The following SCN9A variants were observed in gnomAD, a reference collection of about 807,000 sequenced individuals.
The protein encoded by SCN9A is sodium channel protein type 9 subunit alpha.
SCN9A carries 131 observed loss-of-function variants against 187.0 expected under a neutral mutation model. That is an observed-to-expected ratio of 0.70 (90% confidence interval 0.61 to 0.81). The LOEUF (loss-of-function observed/expected upper bound fraction) is 0.81. SCN9A is among the 30% of genes least tolerant of loss of function. The pLI is 0.00. For synonymous variants in SCN9A, 809 were observed against 808.6 expected, an observed-to-expected ratio of 1.00 and a Z score of -0.01; for missense variants, 2,252 against 2,396.6, an observed-to-expected ratio of 0.94 and a Z score of 1.26.
chr2:166,265,941 C>T (rs1451905613), intron 17 of SCN9A, among the ~76,000 whole-genome samples: 1 of 151,554 alleles, frequency 6.6e-6, no homozygotes, highest in Non-Finnish European at 1.5e-5. Flanking sequence ...TGTTTGAGTT[C>T]CTTGTATGTT....
chr2:166,203,007 CTT>C (rs146326064), intron 26 of SCN9A, among the ~76,000 whole-genome samples: 5 of 148,282 alleles, frequency 3.4e-5, no homozygotes, highest in African/African-American at 1.2e-4. Context: ...CAGGCACACT[CTT>C]TTTTTTTTCC....
chr2:166,356,718 C>G (rs1700158769), intron 1 of SCN9A, among the ~76,000 whole-genome samples: 1 of 152,136 alleles, frequency 6.6e-6, no homozygotes, highest in South Asian at 2.1e-4. Flanking sequence ...AAATAATACC[C>G]TATATAAACA....
chr2:166,251,766 A>G lies in SCN9A; in HGVS notation c.3471T>C (p.Asp1157=), dbSNP rs200216331. 5 of 1,612,410 alleles carry G rather than the reference A, an allele frequency of 3.1e-6. No individual in the cohort carries two copies. The highest frequency in any genetic ancestry group is 3.3e-5 in the Admixed American group (2 of 59,822). ...CCAAGGTCTCAATTTTTGTCTTACC[A>G]TCTGTGAAACAGGCCTCTGGCTCAT... ...NSDEPEACFT[D]GCVWRFSCCQ... Residue 1157 remains aspartate (D), a splice_region_variant and synonymous_variant, in exon 18 of 27, where the codon GAT becomes GAC. Transcript: ENST00000642356.
intron 1 of SCN9A, among the ~76,000 whole-genome samples, chr2:166,318,886 C>G (rs1337291741): frequency 6.6e-6 from 1 of 151,800 alleles, no homozygotes; most frequent in East Asian, 1.9e-4. Context: ...TAAAAAAGTA[C>G]AAAATAAAAC....
At chr2:166,225,753 T>C (rs971140244) in intron 24 of SCN9A, among the ~76,000 whole-genome samples, 1 of 152,122 alleles carries the variant, frequency 6.6e-6, no homozygotes, top group Non-Finnish European at 1.5e-5. Context: ...GCATCCTTAC[T>C]AGTAGAGGAG....
At chr2:166,369,833 T>C (rs1700505684) in intron 1 of SCN9A, among the ~76,000 whole-genome samples, 2 of 152,144 alleles carry the variant, frequency 1.3e-5, no homozygotes, top group South Asian at 2.1e-4. Context: ...ATATATGAAA[T>C]ATAAATTTTA....
chr2:166,204,478 C>G lies in SCN9A; in HGVS notation c.4399-14G>C. ...TTGACCTCCAAGGTAAAGAAACAAA[C>G]AAAAAATAAATGTAGTTAAAACCAG... On this transcript the variant is annotated splice_polypyrimidine_tract_variant and intron_variant, in intron 24 of 26. Transcript: ENST00000642356. 1 of 611,712 alleles carries G rather than the reference C, an allele frequency of 1.6e-6. No individual in the cohort carries two copies. The highest frequency in any genetic ancestry group is 2.6e-6 in the Non-Finnish European group (1 of 385,030). 37.9% of individuals were successfully genotyped at this position (611,712 alleles called of 1,614,324 possible).
At chr2:166,271,079 A>G (rs1365881731) in intron 17 of SCN9A, among the ~76,000 whole-genome samples, 1 of 152,066 alleles carries the variant, frequency 6.6e-6, no homozygotes. Flanking sequence ...GCACAAAAAA[A>G]GGTTTTAAAG....
chr2:166,291,138 A>C (rs1200813659), intron 9 of SCN9A, among the ~76,000 whole-genome samples: 1 of 152,086 alleles, frequency 6.6e-6, no homozygotes, highest in Non-Finnish European at 1.5e-5. Context: ...CGGAAGTCAA[A>C]TTGTCTCTGC....
intron 17 of SCN9A, among the ~76,000 whole-genome samples, chr2:166,259,028 C>T (rs1696396428): frequency 6.6e-6 from 1 of 151,638 alleles, no homozygotes; most frequent in African/African-American, 2.4e-5. Context: ...AAGAAGTCAT[C>T]AAGAGAATCA....
At chr2:166,276,951 A>T in intron 16 of SCN9A, 32 bp downstream of exon 16, 2 of 1,558,804 alleles carry the variant, frequency 1.3e-6, no homozygotes, top group Non-Finnish European at 1.8e-6. Flanking sequence ...TTCCACAGAG[A>T]AATTAAAATG....
In SCN9A at chr2:166,294,637, G is replaced by C. The variant is rs762274623; in HGVS notation, c.927C>G (p.Ser309=). ...FRKYFYYLEG[S]KDALLCGFST... ...TGAAACCACAAAGGAGAGCATCTTT[G>C]GATCCTTCCAAGTAATAAAAATATT... is the stretch of plus-strand genomic sequence containing the variant. Residue 309 remains serine (S), a synonymous_variant, in exon 8 of 27, where the codon TCC becomes TCG. Transcript: ENST00000642356. 6.2e-7 allele frequency: 1 copy of C among 1,609,418 alleles called. No homozygotes were observed. Among genetic ancestry groups the C allele is most frequent in the Non-Finnish European group, 8.5e-7 (1 of 1,177,296 alleles).
At position 166,198,473 on chromosome 2, in the gene SCN9A, G is replaced by A. The variant is rs200588522; in HGVS notation, c.*199C>T. On this transcript the variant is annotated 3_prime_UTR_variant, in exon 27 of 27. Transcript: ENST00000642356. ...AATAATTCCTACAGAGTTCTCTTAC[G>A]ATTCTTAAAGAATCATCAGTGCAAA... is the stretch of plus-strand genomic sequence containing the variant. 1.1e-5 allele frequency: 6 copies of A among 540,732 alleles called. No individual in the cohort carries two copies. Among genetic ancestry groups the A allele is most frequent in the South Asian group, 2.9e-5 (1 of 34,952 alleles). 33.5% of individuals were successfully genotyped at this position (540,732 alleles called of 1,614,324 possible). A position where few individuals can be genotyped will look rare whatever the true frequency, so the allele number is the denominator to read the frequency against.
At chr2:166,304,201 A>G (rs1035495780) in intron 6 of SCN9A, 37 bp downstream of exon 6, 1 of 1,609,612 alleles carries the variant, frequency 6.2e-7, no homozygotes, top group African/African-American at 1.3e-5. Flanking sequence ...AGTTGGAGTT[A>G]TGAGTGGCCT....
intron 1 of SCN9A, among the ~76,000 whole-genome samples, chr2:166,340,063 A>G (rs1256745375): frequency 6.6e-6 from 1 of 152,140 alleles, no homozygotes; most frequent in Non-Finnish European, 1.5e-5. Context: ...GCTAGGGTTT[A>G]CTCTACAGTA....
chr2:166,232,960 TTTAA>T (rs1171417500), intron 21 of SCN9A, among the ~76,000 whole-genome samples: 1 of 147,550 alleles, frequency 6.8e-6, no homozygotes. Context: ...TAATATACTA[TTTAA>T]TTAATGCTAT....
intron 1 of SCN9A, among the ~76,000 whole-genome samples, chr2:166,339,652 G>A (rs1699715114): frequency 6.6e-6 from 1 of 152,102 alleles, no homozygotes; most frequent in Non-Finnish European, 1.5e-5. Flanking sequence ...AAAAACTGGA[G>A]TCCCTGGCAC....
At chr2:166,281,893 G>A (rs968127059) in intron 12 of SCN9A, 85 bp from the exon 13 acceptor site, 69 of 1,255,924 alleles carry the variant, frequency 5.5e-5, no homozygotes, top group Non-Finnish European at 7.4e-5. Flanking sequence ...TATAGCTGTA[G>A]TGAGTAATTA....
intron 24 of SCN9A, among the ~76,000 whole-genome samples, chr2:166,218,596 AATCTAAAACTAT>A (rs1389249919): frequency 1.3e-5 from 2 of 152,146 alleles, no homozygotes; most frequent in African/African-American, 4.8e-5. Flanking sequence ...TTAAATGTAA[AATCTAAAACTAT>A]AAAAACCCTG....
Sources: gnomAD v4.1 joint callset for allele counts (sites outside exome capture counted in the v4.1 genomes callset) on GRCh38, gnomAD v4.1.1 for gene constraint, MANE v1.5 for transcripts, NCBI Gene and HGNC (gene_info 2026-07-23, HGNC 2026-07-21) for gene names.